The following AMMECR1 variants were observed in gnomAD, a reference collection of about 807,000 sequenced individuals.
The protein encoded by AMMECR1 is AMMECR nuclear protein 1, also known as nuclear protein AMMECR1.
In AMMECR1, 3 loss-of-function variants were observed where a neutral mutation model predicts 22.5. The observed-to-expected ratio is 0.13, with a 90% CI of 0.06 to 0.35. AMMECR1 has a LOEUF of 0.35. Among genes scored for constraint, AMMECR1 ranks in the 10% least tolerant of loss-of-function variants. The pLI is 1.00. For synonymous variants in AMMECR1, 130 were observed against 116.7 expected (o/e 1.11, Z -0.74); for missense variants, 235 against 278.7 (o/e 0.84, Z 1.12).
intron 2 of AMMECR1, among the ~76,000 whole-genome samples, chrX:110,236,667 G>A (rs2067603423): frequency 8.9e-6 from 1 of 112,175 alleles, no homozygotes; most frequent in Admixed American, 9.4e-5. Flanking sequence ...ATGAATGAAG[G>A]AATATAGGAA....
chrX:110,374,606 G>T (rs1019384244), intron 2 of AMMECR1, among the ~76,000 whole-genome samples: 60 of 112,157 alleles, frequency 5.3e-4, no homozygotes, highest in African/African-American at 1.7e-3. Flanking sequence ...AAACTTAGAA[G>T]TAGGGCTATT....
upstream of AMMECR1, chrX:110,318,226 G>C (rs1051781536): frequency 1.1e-5 from 3 of 267,254 alleles, no homozygotes; most frequent in African/African-American, 9.0e-5. Context: ...TAGCCACGCG[G>C]CTGCCCCGCG....
chrX:110,366,564 G>A (rs1162244085), intron 2 of AMMECR1, among the ~76,000 whole-genome samples: 2 of 111,366 alleles, frequency 1.8e-5, no homozygotes, highest in East Asian at 2.8e-4. Flanking sequence ...ATAGAGTACT[G>A]TCCCTCAGCC....
At chrX:110,296,647 C>T (rs1403031181) in intron 1 of AMMECR1, among the ~76,000 whole-genome samples, 1 of 111,049 alleles carries the variant, frequency 9.0e-6, no homozygotes, top group African/African-American at 3.3e-5. Context: ...GTTGATGAAC[C>T]CTTTTAATAA....
chrX:110,337,854 A>G (rs1283730142), intron 2 of AMMECR1, among the ~76,000 whole-genome samples: 3 of 112,367 alleles, frequency 2.7e-5, no homozygotes, highest in Non-Finnish European at 5.6e-5. Context: ...AAAATGTGGT[A>G]TATACATACA....
intron 1 of AMMECR1, among the ~76,000 whole-genome samples, chrX:110,273,859 A>C (rs1210598559): frequency 8.9e-6 from 1 of 112,215 alleles, no homozygotes; most frequent in African/African-American, 3.2e-5. Flanking sequence ...TACCAGTATC[A>C]TGCTGTTTTA....
chrX:110,346,388 G>A (rs1191755403), intron 2 of AMMECR1, among the ~76,000 whole-genome samples: 1 of 112,081 alleles, frequency 8.9e-6, no homozygotes, highest in Non-Finnish European at 1.9e-5. Context: ...AATATCACTA[G>A]TATTCAAAGA....
At chrX:110,218,018 C>A (rs2067482691) in intron 2 of AMMECR1, among the ~76,000 whole-genome samples, 1 of 111,296 alleles carries the variant, frequency 9.0e-6, no homozygotes, top group Admixed American at 9.6e-5. Flanking sequence ...ATCAGGAAAT[C>A]TGTGATAATT....
chrX:110,284,261 C>T (rs1046695715), intron 1 of AMMECR1, among the ~76,000 whole-genome samples: 4 of 112,369 alleles, frequency 3.6e-5, no homozygotes, highest in Non-Finnish European at 7.5e-5. Flanking sequence ...AAGAGTAAGG[C>T]ATCAAACTTC....
intron 2 of AMMECR1, among the ~76,000 whole-genome samples, chrX:110,422,742 G>A (rs1302026411): frequency 5.4e-5 from 6 of 111,557 alleles, no homozygotes; most frequent in African/African-American, 2.0e-4. Context: ...TTTCCAAGAG[G>A]GTCTCTGATG....
intron 2 of AMMECR1, among the ~76,000 whole-genome samples, chrX:110,368,910 C>T (rs780136694): frequency 2.7e-5 from 3 of 111,712 alleles, no homozygotes; most frequent in Non-Finnish European, 5.7e-5. Context: ...TGCAGCAATC[C>T]CCCACCCAGT....
chrX:110,343,920 A>C (rs938322545), intron 2 of AMMECR1, among the ~76,000 whole-genome samples: 1 of 111,808 alleles, frequency 8.9e-6, no homozygotes. Context: ...CATACTGCCC[A>C]AGGTAATCTA....
intron 2 of AMMECR1, among the ~76,000 whole-genome samples, chrX:110,417,250 A>G (rs922359948): frequency 1.8e-5 from 2 of 111,535 alleles, no homozygotes; most frequent in African/African-American, 6.5e-5. Flanking sequence ...AGGGAGGGGG[A>G]GTGAAGAGGC....
intron 2 of AMMECR1, among the ~76,000 whole-genome samples, chrX:110,420,180 A>G (rs1353799596): frequency 8.9e-6 from 1 of 111,864 alleles, no homozygotes; most frequent in Non-Finnish European, 1.9e-5. Flanking sequence ...CACTGGCCAC[A>G]TTGCAGAACA....
intron 1 of AMMECR1, among the ~76,000 whole-genome samples, chrX:110,286,989 C>G (rs1285899798): frequency 3.6e-5 from 4 of 111,783 alleles, no homozygotes; most frequent in Admixed American, 9.5e-5. Context: ...TTTTCAACCA[C>G]TGGTTAAAAG....
In AMMECR1 at chrX:110,204,059, G is replaced by A. The variant is rs1227185099; in HGVS notation, c.700-1523C>T. Among the ~76,000 whole-genome samples, 9 of 111,624 alleles carry A rather than the reference G, an allele frequency of 8.1e-5. No individual in the cohort carries two copies. The East Asian group carries it at 2.5e-3, about 31-fold the overall frequency. On this transcript the variant is annotated intron_variant, in intron 3 of 5. Transcript: ENST00000262844. ...AAATAACTACGTATATAGCTGAGAA[G>A]AAATATGAGCGCTTAGCTATCAGGC...
intron 2 of AMMECR1, among the ~76,000 whole-genome samples, chrX:110,345,728 A>T (rs1366958423): frequency 9.0e-6 from 1 of 110,615 alleles, no homozygotes; most frequent in Non-Finnish European, 1.9e-5. Flanking sequence ...ATCAAAAATA[A>T]AAATTGAAAT....
At chrX:110,266,679 CCTGT>C (rs1344683996) in intron 1 of AMMECR1, among the ~76,000 whole-genome samples, 215 of 109,752 alleles carry the variant, frequency 2.0e-3, no homozygotes, top group Non-Finnish European at 3.6e-3. Context: ...CCGTGCCCAG[CCTGT>C]CTCTTTTTTT....
At chrX:110,284,904 G>A (rs895054336) in intron 1 of AMMECR1, among the ~76,000 whole-genome samples, 1 of 111,867 alleles carries the variant, frequency 8.9e-6, no homozygotes, top group Non-Finnish European at 1.9e-5. Flanking sequence ...AAATTCAAGC[G>A]TGAAAGCCAT....
Sources: gnomAD v4.1 joint callset for allele counts (sites outside exome capture counted in the v4.1 genomes callset) on GRCh38, gnomAD v4.1.1 for gene constraint, MANE v1.5 for transcripts, NCBI Gene and HGNC (gene_info 2026-07-23, HGNC 2026-07-21) for gene names.